Variants in RNF150 observed in about 807,000 individuals in gnomAD.
RNF150 encodes ring finger protein 150.
In RNF150, 24 loss-of-function variants were observed where a neutral mutation model predicts 39.3. The ratio of observed to expected loss-of-function variants is 0.61; its 90% confidence interval spans 0.44 to 0.86. The LOEUF (loss-of-function observed/expected upper bound fraction) is 0.86, where lower values mean the gene tolerates loss of function less well. Among genes scored for constraint, RNF150 ranks in the 40% least tolerant of loss-of-function variants. The probability of loss-of-function intolerance (pLI) is 0.00; values close to 1 mark genes in which losing one functional copy is unlikely to be tolerated. For missense variants in RNF150, 502 were observed against 587.8 expected, an observed-to-expected ratio of 0.85 and a Z score of 1.51; for synonymous variants, 255 against 227.3, an observed-to-expected ratio of 1.12 and a Z score of -1.10.
chr4:141,164,055 G>T (rs926420390), intron 1 of RNF150, among the ~76,000 whole-genome samples: 1 of 151,564 alleles, frequency 6.6e-6, no homozygotes, highest in Non-Finnish European at 1.5e-5. Context: ...TAAGAACCTT[G>T]ATAAAACGTT....
At position 141,200,464 on chromosome 4, in the gene RNF150, T is replaced by C. The variant is rs1578794169; in HGVS notation, c.-6+12330A>G. Among the ~76,000 whole-genome samples, 3 of 151,128 alleles carry C rather than the reference T, an allele frequency of 2.0e-5. No individual in the cohort carries two copies. The East Asian group carries it at 5.9e-4, about 29-fold the overall frequency. ...ACATTGGGATACAGACTGTCATCTT[T>C]TGGGATACAGACTTTCATCTTCCTG... On this transcript the variant is annotated intron_variant, in intron 1 of 7. Coordinates refer to the RNF150 transcript ENST00000420921.
intron 1 of RNF150, among the ~76,000 whole-genome samples, chr4:141,047,539 C>A (rs1288363423): frequency 6.6e-6 from 1 of 152,128 alleles, no homozygotes; most frequent in Non-Finnish European, 1.5e-5. Flanking sequence ...GGTTATAAAT[C>A]ATTTTACCTT....
intron 1 of RNF150, among the ~76,000 whole-genome samples, chr4:141,081,678 G>A (rs905257134): frequency 6.6e-6 from 1 of 152,144 alleles, no homozygotes. Context: ...AATAATAATT[G>A]AACTATTCTT....
chr4:140,949,249 T>C, intron 3 of RNF150, 52 bp downstream of exon 3: 1 of 1,436,792 alleles, frequency 7.0e-7, no homozygotes, highest in Non-Finnish European at 9.6e-7. Context: ...TAAGAAAAGT[T>C]AGAAGCTTCT....
At chr4:140,923,067 C>G (rs1731225958) in intron 5 of RNF150, among the ~76,000 whole-genome samples, 2 of 150,644 alleles carry the variant, frequency 1.3e-5, no homozygotes, top group Non-Finnish European at 2.9e-5. Flanking sequence ...TGGGCAAGGA[C>G]TTCACGTCTA....
At chr4:141,065,108 G>A (rs1020721362) in intron 1 of RNF150, among the ~76,000 whole-genome samples, 8 of 152,092 alleles carry the variant, frequency 5.3e-5, no homozygotes, top group African/African-American at 1.4e-4. Context: ...CAGGTGATCT[G>A]CCCACCTCGG....
At chr4:140,891,481 T>C (rs1729751354) in intron 6 of RNF150, among the ~76,000 whole-genome samples, 1 of 152,026 alleles carries the variant, frequency 6.6e-6, no homozygotes, top group Non-Finnish European at 1.5e-5. Flanking sequence ...ATGATAGTGG[T>C]GATGAGAAAA....
At chr4:141,136,831 G>A (rs1727035763), upstream of RNF150, among the ~76,000 whole-genome samples, 1 of 152,162 alleles carries the variant, frequency 6.6e-6, no homozygotes, top group Non-Finnish European at 1.5e-5. Flanking sequence ...GAAGAAAAAG[G>A]CAACAGAGTA....
chr4:140,924,448 C>G (rs1731304406), intron 5 of RNF150, among the ~76,000 whole-genome samples: 1 of 152,162 alleles, frequency 6.6e-6, no homozygotes, highest in African/African-American at 2.4e-5. Context: ...TTGTCCTGAC[C>G]AGAGAGCAGT....
At position 141,118,768 on chromosome 4, in the gene RNF150, G is replaced by C. The variant is rs371420697; in HGVS notation, c.484+13557C>G. ...TGTTTGTTTGATTGAGTGAGTGATTGATTGATTTTTGAGACAGAGTCTCAC... is the reference window on the plus strand; with the variant it reads ...TGTTTGTTTGATTGAGTGAGTGATTCATTGATTTTTGAGACAGAGTCTCAC... On this transcript the variant is annotated intron_variant, in intron 1 of 6. Transcript: ENST00000515673. Among the ~76,000 whole-genome samples the C allele has an allele frequency of 1.3e-4, 20 of 152,160 alleles. No individual in the cohort carries two copies. The East Asian group carries it at 3.9e-3, about 29-fold the overall frequency.
intron 4 of RNF150, among the ~76,000 whole-genome samples, chr4:140,931,506 T>G (rs1163093967): frequency 2.6e-5 from 4 of 152,104 alleles, no homozygotes; most frequent in Non-Finnish European, 4.4e-5. Flanking sequence ...AACAAAAGGA[T>G]AGGGAAAGGA....
At chr4:141,073,355 C>T (rs552966592) in intron 1 of RNF150, among the ~76,000 whole-genome samples, 13 of 152,242 alleles carry the variant, frequency 8.5e-5, no homozygotes, top group African/African-American at 2.9e-4. Context: ...CAATCCAAAA[C>T]AAAGGTTTCA....
chr4:141,207,507 C>T (rs2111225997), intron 1 of RNF150, among the ~76,000 whole-genome samples: 1 of 152,186 alleles, frequency 6.6e-6, no homozygotes, highest in African/African-American at 2.4e-5. Context: ...AGATGAGCCC[C>T]TGGATGACAG....
intron 1 of RNF150, among the ~76,000 whole-genome samples, chr4:141,203,056 T>A (rs1054760236): frequency 1.9e-5 from 2 of 105,760 alleles, no homozygotes; most frequent in Non-Finnish European, 3.7e-5. Context: ...TCTTGGAGAT[T>A]TTATATATAT....
At chr4:140,988,383 A>T (rs1734079630) in intron 1 of RNF150, among the ~76,000 whole-genome samples, 3 of 152,000 alleles carry the variant, frequency 2.0e-5, no homozygotes, top group African/African-American at 4.8e-5. Context: ...GAATAAAGAA[A>T]ATGTGGTACA....
At chr4:141,116,174 G>A (rs1739543382) in intron 1 of RNF150, among the ~76,000 whole-genome samples, 1 of 152,172 alleles carries the variant, frequency 6.6e-6, no homozygotes, top group African/African-American at 2.4e-5. Context: ...TTTCTGCACA[G>A]TAAAAGAAAC....
intron 6 of RNF150, among the ~76,000 whole-genome samples, chr4:140,872,753 G>A (rs922274170): frequency 6.6e-6 from 1 of 152,208 alleles, no homozygotes; most frequent in Non-Finnish European, 1.5e-5. Context: ...AGAGAAACTG[G>A]AGAAGAAGCA....
Position 141,059,263 on chromosome 4 carries a change from G to A in RNF150, c.484+73062C>T, listed in dbSNP as rs115034222. 3.9e-5 allele frequency among the ~76,000 whole-genome samples: 6 copies of A among 152,096 alleles called. No individual in the cohort carries two copies. The East Asian group carries it at 5.8e-4, about 15-fold the overall frequency. On this transcript the variant is annotated intron_variant, in intron 1 of 6. Transcript: ENST00000515673. The stretch of plus-strand genomic sequence containing the variant: ...AATGGGCTGTATGTTTAGTCGAATC[G>A]CTATGTCTGCTTGACTGTAATTCTA...
At chr4:141,114,807 G>C (rs1411538184) in intron 1 of RNF150, among the ~76,000 whole-genome samples, 1 of 152,174 alleles carries the variant, frequency 6.6e-6, no homozygotes, top group Non-Finnish European at 1.5e-5. Flanking sequence ...GATCAAGTCA[G>C]CTTCATCCCT....
Sources: gnomAD v4.1 joint callset for allele counts (sites outside exome capture counted in the v4.1 genomes callset) on GRCh38, gnomAD v4.1.1 for gene constraint, MANE v1.5 for transcripts, NCBI Gene and HGNC (gene_info 2026-07-23, HGNC 2026-07-21) for gene names.